Variants in SYNDIG1 observed in about 807,000 individuals in gnomAD.
The protein encoded by SYNDIG1 is synapse differentiation inducing 1.
In SYNDIG1, 9 loss-of-function variants were observed where a neutral mutation model predicts 19.4. The ratio of observed to expected loss-of-function variants is 0.46; its 90% CI spans 0.28 to 0.81. SYNDIG1 has a LOEUF of 0.81. Ranked by LOEUF, SYNDIG1 falls within the 30% of genes least tolerant of loss-of-function variation. The pLI, the probability that SYNDIG1 is intolerant of heterozygous loss-of-function variation, is 0.12. For missense variants in SYNDIG1, 311 were observed against 343.3 expected (o/e 0.91, Z 0.74); for synonymous variants, 141 against 145.9 (o/e 0.97, Z 0.24).
chr20:24,656,657 G>T (rs190066082), intron 3 of SYNDIG1, among the ~76,000 whole-genome samples: 34 of 152,312 alleles, frequency 2.2e-4, no homozygotes, highest in Admixed American at 3.9e-4. Context: ...TCACAAGTGC[G>T]CCTCGCCCTC....
intron 2 of SYNDIG1, among the ~76,000 whole-genome samples, chr20:24,559,574 C>T (rs1176817578): frequency 6.6e-6 from 1 of 152,212 alleles, no homozygotes; most frequent in African/African-American, 2.4e-5. Flanking sequence ...CCAGGGCTCT[C>T]CGTCTTTTCC....
At chr20:24,605,734 T>C (rs2147146487) in intron 3 of SYNDIG1, among the ~76,000 whole-genome samples, 1 of 152,282 alleles carries the variant, frequency 6.6e-6, no homozygotes, top group East Asian at 1.9e-4. Flanking sequence ...TCTTGGTAAT[T>C]AGCATCTTGA....
intron 2 of SYNDIG1, among the ~76,000 whole-genome samples, chr20:24,547,802 T>C (rs1243405282): frequency 1.3e-5 from 2 of 152,158 alleles, no homozygotes; most frequent in East Asian, 3.9e-4. Context: ...AGTAATGAAG[T>C]AGGTCTACAA....
chr20:24,643,543 T>G (rs2059398843), intron 3 of SYNDIG1, among the ~76,000 whole-genome samples: 1 of 152,228 alleles, frequency 6.6e-6, no homozygotes, highest in Admixed American at 6.5e-5. Context: ...TTTCTGCCAT[T>G]AGTCCTGCAG....
intron 1 of SYNDIG1, among the ~76,000 whole-genome samples, chr20:24,499,047 G>A (rs1179849800): frequency 6.6e-6 from 1 of 152,172 alleles, no homozygotes; most frequent in Non-Finnish European, 1.5e-5. Context: ...TTTTGAGACG[G>A]AGTCTAGCTG....
chr20:24,528,580 C>T (rs1234442916), intron 1 of SYNDIG1, among the ~76,000 whole-genome samples: 1 of 152,182 alleles, frequency 6.6e-6, no homozygotes, highest in Non-Finnish European at 1.5e-5. Context: ...TGTGTGCTCA[C>T]ATGGCAGAAG....
chr20:24,624,003 C>A (rs754743965), intron 3 of SYNDIG1, among the ~76,000 whole-genome samples: 38 of 151,974 alleles, frequency 2.5e-4, no homozygotes, highest in Non-Finnish European at 5.0e-4. Flanking sequence ...TGGCTCACAC[C>A]TGTAATCCCA....
chr20:24,523,971 C>T (rs2057061542), intron 1 of SYNDIG1, among the ~76,000 whole-genome samples: 1 of 152,234 alleles, frequency 6.6e-6, no homozygotes, highest in Non-Finnish European at 1.5e-5. Flanking sequence ...CTATTATCCA[C>T]ATCCATGGTT....
At chr20:24,627,755 A>G (rs1163264890) in intron 3 of SYNDIG1, among the ~76,000 whole-genome samples, 2 of 152,256 alleles carry the variant, frequency 1.3e-5, no homozygotes, top group Non-Finnish European at 2.9e-5. Context: ...AGTTTGTTTG[A>G]TTACAGGGTC....
chr20:24,614,244 T>G lies in SYNDIG1; in HGVS notation c.618+29251T>G, dbSNP rs576066001. On this transcript the variant is annotated intron_variant, in intron 3 of 3. Transcript: ENST00000376862. ...GTCTTGAACTCTTGGGCTTAAATGA[T>G]CCTCCCACCTCAGCCTCCCAAATTG... is the stretch of plus-strand genomic sequence containing the variant. Among the ~76,000 whole-genome samples, 36 of 152,274 alleles carry G rather than the reference T, an allele frequency of 2.4e-4. No individual in the cohort carries two copies. The South Asian group carries it at 7.3e-3, about 31-fold the overall frequency.
At chr20:24,561,606 A>G (rs150277989) in intron 2 of SYNDIG1, among the ~76,000 whole-genome samples, 55 of 152,274 alleles carry the variant, frequency 3.6e-4, no homozygotes, top group African/African-American at 1.3e-3. Flanking sequence ...GAATTTAGCA[A>G]TTTTTCATAA....
intron 1 of SYNDIG1, among the ~76,000 whole-genome samples, chr20:24,479,547 C>G (rs763169353): frequency 6.6e-6 from 1 of 152,084 alleles, no homozygotes; most frequent in Non-Finnish European, 1.5e-5. Flanking sequence ...GATAATGATA[C>G]TCAGTAACCC....
chr20:24,514,384 CAT>C (rs901137379), intron 1 of SYNDIG1, among the ~76,000 whole-genome samples: 1 of 152,152 alleles, frequency 6.6e-6, no homozygotes, highest in African/African-American at 2.4e-5. Flanking sequence ...AGACCCATCT[CAT>C]GTGCAGAGAT....
intron 1 of SYNDIG1, among the ~76,000 whole-genome samples, chr20:24,540,537 ATTTC>A (rs1185578370): frequency 6.6e-6 from 1 of 152,112 alleles, no homozygotes; most frequent in Non-Finnish European, 1.5e-5. Flanking sequence ...TGTTGAGGTA[ATTTC>A]TTTCTATTCC....
chr20:24,626,434 G>C (rs1362673123), intron 3 of SYNDIG1, among the ~76,000 whole-genome samples: 2 of 151,744 alleles, frequency 1.3e-5, no homozygotes, highest in East Asian at 3.9e-4. Flanking sequence ...TCACATCCTA[G>C]ACGGGGCAGC....
chr20:24,493,019 G>A (rs2056198678), intron 1 of SYNDIG1, among the ~76,000 whole-genome samples: 1 of 152,184 alleles, frequency 6.6e-6, no homozygotes, highest in Non-Finnish European at 1.5e-5. Flanking sequence ...AGGCAGGTAA[G>A]GGATATTGAA....
rs377242903 is a variant in SYNDIG1 at position 24,603,874 on chromosome 20, C to A, written c.618+18881C>A. ...GGGGAGAAGAATATCTGAAAGAATG[C>A]CAGGGGAGTTCATTCTCCTCCACTC... On this transcript the variant is annotated intron_variant, in intron 3 of 3. Coordinates refer to ENST00000376862, the MANE Select transcript of SYNDIG1 (RefSeq NM_024893.3). Among the ~76,000 whole-genome samples, 9 of 152,242 alleles carry A rather than the reference C, an allele frequency of 5.9e-5. No individual in the cohort carries two copies. In the East Asian group the frequency reaches 9.7e-4, roughly 16 times the overall value.
At chr20:24,508,248 T>G (rs34611101) in intron 1 of SYNDIG1, among the ~76,000 whole-genome samples, 12 of 123,660 alleles carry the variant, frequency 9.7e-5, no homozygotes, top group African/African-American at 1.6e-4. Flanking sequence ...TTTTTTTTTG[T>G]GACAGAGTCT....
chr20:24,655,136 A>G (rs1001543397), intron 3 of SYNDIG1, among the ~76,000 whole-genome samples: 1 of 152,248 alleles, frequency 6.6e-6, no homozygotes, highest in African/African-American at 2.4e-5. Context: ...AAGAGCAATC[A>G]GCTTCAATTG....
Sources: allele counts gnomAD v4.1 joint callset (sites outside exome capture counted in the v4.1 genomes callset), GRCh38; gene constraint gnomAD v4.1.1; transcripts MANE v1.5; gene names NCBI Gene and HGNC (gene_info 2026-07-23, HGNC 2026-07-21).